Variants in NRCAM observed in about 807,000 individuals in gnomAD.
The protein encoded by NRCAM is neuronal cell adhesion molecule.
NRCAM carries 83 observed loss-of-function variants against 156.5 expected under a neutral mutation model. That is an observed-to-expected ratio of 0.53 (90% CI 0.44 to 0.64). The LOEUF is 0.64. Among genes scored for constraint, NRCAM ranks in the 30% least tolerant of loss-of-function variants. NRCAM has a pLI of 0.00. For missense variants in NRCAM, 1,417 were observed against 1,597.3 expected (o/e 0.89, Z 1.92); for synonymous variants, 538 against 563.9 (o/e 0.95, Z 0.65).
At chr7:108,446,463 C>T (rs1844303922) in intron 1 of NRCAM, among the ~76,000 whole-genome samples, 1 of 152,174 alleles carries the variant, frequency 6.6e-6, no homozygotes. Flanking sequence ...CTTGCACACA[C>T]TCATTTATCA....
chr7:108,225,591 G>T, intron 10 of NRCAM, 54 bp downstream of exon 10: 1 of 1,075,074 alleles, frequency 9.3e-7, no homozygotes, highest in Non-Finnish European at 1.5e-6. Flanking sequence ...TGAAGTTAGT[G>T]AACTAAATTC....
intron 2 of NRCAM, among the ~76,000 whole-genome samples, chr7:108,355,050 T>G (rs1175312209): frequency 6.6e-6 from 1 of 152,236 alleles, no homozygotes; most frequent in Non-Finnish European, 1.5e-5. Flanking sequence ...TGAAGGGTTT[T>G]AGAGAGCTCT....
chr7:108,295,011 GAT>G (rs2098424592), intron 3 of NRCAM, among the ~76,000 whole-genome samples: 1 of 152,180 alleles, frequency 6.6e-6, no homozygotes, highest in Admixed American at 6.5e-5. Flanking sequence ...TGACATATAT[GAT>G]TTGGTACAGA....
intron 2 of NRCAM, among the ~76,000 whole-genome samples, chr7:108,376,261 C>G (rs2099675156): frequency 6.6e-6 from 1 of 152,118 alleles, no homozygotes; most frequent in Non-Finnish European, 1.5e-5. Context: ...ACTAAAATGG[C>G]TGGGGTTCAT....
rs554763601 is a variant in NRCAM at position 108,354,923 on chromosome 7, A to T, written c.-173-42192T>A. 2.6e-5 allele frequency among the ~76,000 whole-genome samples: 4 copies of T among 152,280 alleles called. No individual in the cohort carries two copies. In the South Asian group the frequency reaches 8.3e-4, roughly 32 times the overall value. On this transcript the variant is annotated intron_variant, in intron 2 of 32. Transcript: ENST00000379028. The stretch of plus-strand genomic sequence containing the variant: ...AAAAAAAAAGCAATTTCACTTCTGT[A>T]TATCACTAACAAACTGTTATAAATG...
Position 108,401,197 on chromosome 7 carries a change from G to A in NRCAM, c.-331-1604C>T, listed in dbSNP as rs139462908. Among the ~76,000 whole-genome samples, 274 of 152,192 alleles carry A rather than the reference G, an allele frequency of 1.8e-3. 4 individuals carry two copies. Among genetic ancestry groups the A allele is most frequent in the African/African-American group, 6.1e-3 (252 of 41,516 alleles). On this transcript the variant is annotated intron_variant, in intron 1 of 32. Transcript: ENST00000379028. The stretch of plus-strand genomic sequence containing the variant: ...AGAGGATTTAGTAAGCCGAGATGGC[G>A]CCACTGCACCAGCCTGGGCGACAGA...
At chr7:108,415,625 T>C (rs1800578876) in intron 1 of NRCAM, among the ~76,000 whole-genome samples, 1 of 152,178 alleles carries the variant, frequency 6.6e-6, no homozygotes, top group South Asian at 2.1e-4. Flanking sequence ...CTCATGCCTG[T>C]ATCCCAGCAC....
intron 1 of NRCAM, among the ~76,000 whole-genome samples, chr7:108,432,102 G>C (rs1310280722): frequency 6.6e-6 from 1 of 152,192 alleles, no homozygotes; most frequent in Non-Finnish European, 1.5e-5. Flanking sequence ...GTTAGCAGTT[G>C]CTGGATTTGT....
chr7:108,377,692 T>TC (rs2099681931), intron 2 of NRCAM, among the ~76,000 whole-genome samples: 1 of 152,140 alleles, frequency 6.6e-6, no homozygotes, highest in Non-Finnish European at 1.5e-5. Context: ...GCAACACTTT[T>TC]CCAGTACCAC....
chr7:108,301,337 GACA>G (rs1266319480), intron 3 of NRCAM, among the ~76,000 whole-genome samples: 13 of 152,164 alleles, frequency 8.5e-5, no homozygotes, highest in African/African-American at 1.9e-4. Context: ...CTTTTCCACA[GACA>G]ACATTTACAG....
intron 13 of NRCAM, among the ~76,000 whole-genome samples, chr7:108,200,597 T>C (rs1045385279): frequency 6.6e-6 from 1 of 152,156 alleles, no homozygotes; most frequent in African/African-American, 2.4e-5. Context: ...TGGAGACTTG[T>C]TCTCTGTCAG....
At chr7:108,272,904 C>A (rs920097441) in intron 3 of NRCAM, among the ~76,000 whole-genome samples, 2 of 152,136 alleles carry the variant, frequency 1.3e-5, no homozygotes, top group Non-Finnish European at 2.9e-5. Context: ...CCCAGCCCCC[C>A]ACCTGCCAAC....
Position 108,207,638 on chromosome 7 carries a change from G to C in NRCAM, c.1097C>G (p.Ala366Gly), listed in dbSNP as rs1442487897. 6.2e-7 allele frequency: 1 copy of C among 1,613,262 alleles called. No individual in the cohort carries two copies. The highest frequency in any genetic ancestry group is 1.3e-5 in the African/African-American group (1 of 74,872). The change falls in exon 13 of 33, where the codon GCC becomes GGC. Residue 366 changes from alanine (A) to glycine (G), a missense_variant. By Grantham distance (60) the Ala-to-Gly change is moderately conservative. Coordinates refer to ENST00000379028, the MANE Select transcript of NRCAM (RefSeq NM_001037132.4). ...RVKAAPYWIT[A>G]PQNLVLSPGE... is the part of the protein sequence containing the mutation. Reference sequence around the variant, plus strand: ...TGGGGACAGCACAAGATTTTGAGGGGCTGTGATCCAGTATGGAGCCGCTTT... The same window carrying C: ...TGGGGACAGCACAAGATTTTGAGGGCCTGTGATCCAGTATGGAGCCGCTTT...
chr7:108,422,329 C>A (rs958799272), intron 1 of NRCAM, among the ~76,000 whole-genome samples: 2 of 152,108 alleles, frequency 1.3e-5, no homozygotes, highest in African/African-American at 4.8e-5. Flanking sequence ...TATCTTATTT[C>A]ATCAACTGTT....
chr7:108,214,716 C>T (rs954426242), intron 11 of NRCAM, among the ~76,000 whole-genome samples: 1 of 152,168 alleles, frequency 6.6e-6, no homozygotes, highest in Non-Finnish European at 1.5e-5. Flanking sequence ...TTAGATCTTT[C>T]CCACTTTGTC....
chr7:108,293,313 C>T (rs1030712868), intron 3 of NRCAM, among the ~76,000 whole-genome samples: 1 of 152,180 alleles, frequency 6.6e-6, no homozygotes. Context: ...TTTCACTCCC[C>T]TCCTTTCTGA....
intron 2 of NRCAM, among the ~76,000 whole-genome samples, chr7:108,364,081 GT>G (rs2099576777): frequency 6.6e-6 from 1 of 152,176 alleles, no homozygotes. Context: ...AATGCAAGAC[GT>G]TAATAATAGG....
chr7:108,191,213 G>A (rs1433120616), intron 19 of NRCAM, 41 bp downstream of exon 19: 4 of 1,539,050 alleles, frequency 2.6e-6, no homozygotes, highest in Non-Finnish European at 3.6e-6. Context: ...ATGTGAAATT[G>A]TTTGACAGAA....
intron 30 of NRCAM, among the ~76,000 whole-genome samples, chr7:108,165,156 T>C (rs981698158): frequency 6.6e-6 from 1 of 152,168 alleles, no homozygotes; most frequent in East Asian, 1.9e-4. Context: ...AATCACTGAT[T>C]GGATATACCA....
Sources: gnomAD v4.1 joint callset for allele counts (sites outside exome capture counted in the v4.1 genomes callset) on GRCh38, gnomAD v4.1.1 for gene constraint, MANE v1.5 for transcripts, NCBI Gene and HGNC (gene_info 2026-07-23, HGNC 2026-07-21) for gene names.